SGCZ: variants seen among roughly 807,000 people sequenced by gnomAD.
SGCZ encodes the protein sarcoglycan zeta.
SGCZ carries 40 observed loss-of-function variants against 41.3 expected under a neutral mutation model. That is an observed-to-expected ratio of 0.97 (90% CI 0.75 to 1.26). The LOEUF is 1.26. SGCZ is among the 50% of genes most tolerant of loss of function. SGCZ has a pLI of 0.00. For synonymous variants in SGCZ, 206 were observed against 137.5 expected, an observed-to-expected ratio of 1.50 and a Z score of -3.49; for missense variants, 552 against 369.8, an observed-to-expected ratio of 1.49 and a Z score of -4.04.
chr8:14,287,156 A>C (rs531075618), intron 3 of SGCZ, among the ~76,000 whole-genome samples: 9 of 151,518 alleles, frequency 5.9e-5, no homozygotes, highest in Non-Finnish European at 1.0e-4. Context: ...AAGCATATTA[A>C]ATTTTTGGTT....
chr8:14,555,688 G>A (rs1804013979), intron 1 of SGCZ, among the ~76,000 whole-genome samples: 1 of 152,024 alleles, frequency 6.6e-6, no homozygotes, highest in Non-Finnish European at 1.5e-5. Context: ...GTTCTTTGCA[G>A]TAGAGAGAGA....
intron 2 of SGCZ, among the ~76,000 whole-genome samples, chr8:14,551,534 A>ATATATAATATATATTATATATAT (rs1803842078): frequency 2.6e-4 from 2 of 7,838 alleles, no homozygotes; most frequent in Non-Finnish European, 4.3e-4. Flanking sequence ...AATATATATA[A>ATATATAATATATATTATATATAT]TATATATAAT....
At chr8:14,295,114 C>A (rs977755581) in intron 3 of SGCZ, among the ~76,000 whole-genome samples, 1 of 152,076 alleles carries the variant, frequency 6.6e-6, no homozygotes, top group Non-Finnish European at 1.5e-5. Flanking sequence ...AAACTTATGT[C>A]CATACAAAAG....
intron 1 of SGCZ, among the ~76,000 whole-genome samples, chr8:15,130,573 G>A (rs565762509): frequency 2.0e-5 from 3 of 152,260 alleles, no homozygotes; most frequent in South Asian, 2.1e-4. Flanking sequence ...GGCATTCCGT[G>A]TTTAAAACGG....
chr8:14,656,343 C>T (rs1353594521), intron 1 of SGCZ, among the ~76,000 whole-genome samples: 1 of 151,002 alleles, frequency 6.6e-6, no homozygotes, highest in African/African-American at 2.4e-5. Flanking sequence ...CCCTCCCTTC[C>T]TTCTCTCCTT....
intron 5 of SGCZ, among the ~76,000 whole-genome samples, chr8:14,158,604 GA>G (rs1307614719): frequency 6.6e-6 from 1 of 152,178 alleles, no homozygotes; most frequent in African/African-American, 2.4e-5. Flanking sequence ...TTCAAGCCAT[GA>G]GAGGAATTTG....
chr8:14,229,231 G>A (rs1275838057), intron 4 of SGCZ, among the ~76,000 whole-genome samples: 1 of 152,048 alleles, frequency 6.6e-6, no homozygotes, highest in Non-Finnish European at 1.5e-5. Context: ...CAAACAATGA[G>A]CATCTCTGAG....
chr8:14,549,692 T>C (rs893704224), intron 2 of SGCZ, among the ~76,000 whole-genome samples: 1 of 152,086 alleles, frequency 6.6e-6, no homozygotes, highest in Admixed American at 6.6e-5. Context: ...CATATAATTA[T>C]ATTTCTAATA....
At chr8:14,452,879 G>T (rs1301782275) in intron 2 of SGCZ, among the ~76,000 whole-genome samples, 2 of 152,054 alleles carry the variant, frequency 1.3e-5, no homozygotes, top group East Asian at 3.9e-4. Context: ...GAGACAGCTG[G>T]ATCATTTGAG....
At position 14,087,717 on chromosome 8, in the gene SGCZ, A is replaced by T. The variant is rs540404724; in HGVS notation, c.*2726T>A. 5.4e-4 allele frequency among the ~76,000 whole-genome samples: 81 copies of T among 149,532 alleles called. No individual in the cohort carries two copies. Among genetic ancestry groups the T allele is most frequent in the African/African-American group, 1.9e-3 (77 of 39,772 alleles). ...AATTAAGGGACCACTATATTTTTAA[A>T]AAAAAAAAAATGCTTTTTTGTGTTT... On this transcript the variant is annotated 3_prime_UTR_variant, in exon 8 of 8. Transcript: ENST00000382080.
chr8:14,636,881 A>T (rs1806846293), intron 1 of SGCZ, among the ~76,000 whole-genome samples: 1 of 151,938 alleles, frequency 6.6e-6, no homozygotes, highest in South Asian at 2.1e-4. Flanking sequence ...TAAAATACTG[A>T]TGGAAATGTT....
At chr8:14,125,446 G>C (rs1220170412) in intron 5 of SGCZ, among the ~76,000 whole-genome samples, 2 of 151,292 alleles carry the variant, frequency 1.3e-5, no homozygotes, top group Non-Finnish European at 2.9e-5. Context: ...AGAGCTCGCA[G>C]TGAGCCGAGA....
At chr8:14,536,766 AT>A (rs1216448647) in intron 2 of SGCZ, among the ~76,000 whole-genome samples, 1 of 149,458 alleles carries the variant, frequency 6.7e-6, no homozygotes, top group Admixed American at 6.6e-5. Context: ...AGGGCTTTCC[AT>A]TTTTTTCCCA....
chr8:14,338,917 G>A (rs911506791), intron 2 of SGCZ, among the ~76,000 whole-genome samples: 2 of 152,134 alleles, frequency 1.3e-5, no homozygotes, highest in Admixed American at 6.5e-5. Context: ...ACAGTCATTG[G>A]TCCTCCTGGC....
intron 1 of SGCZ, among the ~76,000 whole-genome samples, chr8:14,718,159 C>CACACACACACACACAA (rs1491428831): frequency 6.7e-6 from 1 of 149,770 alleles, no homozygotes; most frequent in Admixed American, 6.7e-5. Flanking sequence ...CATATGCATG[C>CACACACACACACACAA]ACACACACAC....
intron 1 of SGCZ, among the ~76,000 whole-genome samples, chr8:14,714,053 T>A (rs576566935): frequency 3.3e-5 from 5 of 152,118 alleles, no homozygotes; most frequent in Non-Finnish European, 5.9e-5. Flanking sequence ...CTACAACCTC[T>A]GCCTCCTTGG....
chr8:15,025,718 T>C (rs1004952054), intron 1 of SGCZ, among the ~76,000 whole-genome samples: 4 of 152,110 alleles, frequency 2.6e-5, no homozygotes, highest in African/African-American at 9.7e-5. Context: ...AGAGAGAAAA[T>C]TAGTCTTAGA....
chr8:15,172,467 T>A (rs1376721370), intron 1 of SGCZ, among the ~76,000 whole-genome samples: 2 of 152,158 alleles, frequency 1.3e-5, no homozygotes, highest in African/African-American at 4.8e-5. Flanking sequence ...ATGTTTTATG[T>A]AATGACTAGT....
intron 3 of SGCZ, among the ~76,000 whole-genome samples, chr8:14,257,190 G>T (rs1339462643): frequency 6.6e-6 from 1 of 151,932 alleles, no homozygotes; most frequent in African/African-American, 2.4e-5. Context: ...AGCTAGGTGT[G>T]CTGGTACACA....
Sources: gnomAD v4.1 joint callset for allele counts (sites outside exome capture counted in the v4.1 genomes callset) on GRCh38, gnomAD v4.1.1 for gene constraint, MANE v1.5 for transcripts, NCBI Gene and HGNC (gene_info 2026-07-23, HGNC 2026-07-21) for gene names.